ZMAT4: variants seen among roughly 807,000 people sequenced by gnomAD.
ZMAT4 encodes zinc finger matrin-type 4.
A neutral mutation model predicts 28.7 loss-of-function variants in ZMAT4; 17 were observed. The ratio of observed to expected loss-of-function variants is 0.59; its 90% CI spans 0.41 to 0.89. ZMAT4 has a LOEUF of 0.89. ZMAT4 is among the 40% of genes least tolerant of loss of function. ZMAT4 has a pLI of 0.00. For synonymous variants in ZMAT4, 117 were observed against 109.2 expected (o/e 1.07, Z -0.44); for missense variants, 240 against 283.8 (o/e 0.85, Z 1.11).
At chr8:40,714,706 T>C (rs1355598693) in intron 3 of ZMAT4, among the ~76,000 whole-genome samples, 1 of 152,160 alleles carries the variant, frequency 6.6e-6, no homozygotes, top group African/African-American at 2.4e-5. Flanking sequence ...ATTATGTTAG[T>C]TAGTCATGCT....
At chr8:40,793,444 A>G (rs1814449754) in intron 2 of ZMAT4, among the ~76,000 whole-genome samples, 1 of 147,714 alleles carries the variant, frequency 6.8e-6, no homozygotes, top group Non-Finnish European at 1.5e-5. Flanking sequence ...GCCACGCTCC[A>G]TCGATTTTCC....
intron 6 of ZMAT4, among the ~76,000 whole-genome samples, chr8:40,550,688 C>T (rs1039406112): frequency 6.6e-6 from 1 of 152,118 alleles, no homozygotes; most frequent in Non-Finnish European, 1.5e-5. Flanking sequence ...GGGGTCACTC[C>T]ATCCTGCTGC....
At chr8:40,777,872 A>G (rs1454950121) in intron 2 of ZMAT4, among the ~76,000 whole-genome samples, 1 of 152,224 alleles carries the variant, frequency 6.6e-6, no homozygotes, top group Non-Finnish European at 1.5e-5. Context: ...ACATTTTTAT[A>G]TTAGATTATC....
chr8:40,723,140 A>G (rs1373881406), intron 3 of ZMAT4, among the ~76,000 whole-genome samples: 3 of 152,190 alleles, frequency 2.0e-5, no homozygotes, highest in African/African-American at 7.2e-5. Flanking sequence ...AGCATTGCCT[A>G]TGAATACCAA....
intron 5 of ZMAT4, among the ~76,000 whole-genome samples, chr8:40,611,010 G>T (rs916438949): frequency 2.0e-5 from 3 of 150,602 alleles, no homozygotes; most frequent in Admixed American, 2.0e-4. Context: ...AAAAAGACCC[G>T]AGTGGCATCT....
intron 6 of ZMAT4, among the ~76,000 whole-genome samples, chr8:40,552,659 C>T (rs543369084): frequency 1.3e-5 from 2 of 152,116 alleles, no homozygotes; most frequent in Admixed American, 1.3e-4. Flanking sequence ...ACTTGAGACC[C>T]AGGGAGATGA....
chr8:40,704,263 G>A (rs1232174020), intron 3 of ZMAT4, among the ~76,000 whole-genome samples: 1 of 152,158 alleles, frequency 6.6e-6, no homozygotes, highest in Admixed American at 6.5e-5. Flanking sequence ...CACTTTACTG[G>A]GATCAGAAGG....
At chr8:40,775,196 G>A (rs897862421) in intron 2 of ZMAT4, among the ~76,000 whole-genome samples, 2 of 152,186 alleles carry the variant, frequency 1.3e-5, no homozygotes, top group Non-Finnish European at 2.9e-5. Flanking sequence ...AAGAACCCAA[G>A]ACCCTTGAAG....
At chr8:40,683,413 C>T (rs1809262686) in intron 4 of ZMAT4, among the ~76,000 whole-genome samples, 1 of 152,232 alleles carries the variant, frequency 6.6e-6, no homozygotes, top group South Asian at 2.1e-4. Flanking sequence ...CTGTGCAGAG[C>T]TGTCCTGTGA....
chr8:40,871,018 A>G lies in ZMAT4; in HGVS notation c.-5+26665T>C, dbSNP rs191413998. Among the ~76,000 whole-genome samples, 347 of 152,270 alleles carry G rather than the reference A, an allele frequency of 2.3e-3. 4 individuals carry two copies. Among genetic ancestry groups the G allele is most frequent in the Non-Finnish European group, 3.7e-3 (251 of 68,026 alleles). On this transcript the variant is annotated intron_variant, in intron 1 of 6. Transcript: ENST00000297737. ...AGCAAGCCCCATAACCTCTTCAGTGACCTTCAAGGGAAGTTGCTTGACGAA... is the reference window on the plus strand; with the variant it reads ...AGCAAGCCCCATAACCTCTTCAGTGGCCTTCAAGGGAAGTTGCTTGACGAA...
At chr8:40,896,660 G>C (rs1226845973) in intron 1 of ZMAT4, among the ~76,000 whole-genome samples, 7 of 152,208 alleles carry the variant, frequency 4.6e-5, no homozygotes, top group Non-Finnish European at 1.0e-4. Flanking sequence ...CAGAGCAAGA[G>C]AGGCCCCTGA....
At position 40,687,118 on chromosome 8, in the gene ZMAT4, A is replaced by G. The variant is rs562059984; in HGVS notation, c.349+10127T>C. Among the ~76,000 whole-genome samples the G allele has an allele frequency of 3.3e-5, 5 of 152,334 alleles. No individual in the cohort carries two copies. The South Asian group carries it at 8.3e-4, about 25-fold the overall frequency. On this transcript the variant is annotated intron_variant, in intron 4 of 6. Transcript: ENST00000297737. Reference sequence around the variant, plus strand: ...GATGTTTTACAGAATAATAGAAAGTATATATAAGAGGCAGAGAGATGATAT... The same window carrying G: ...GATGTTTTACAGAATAATAGAAAGTGTATATAAGAGGCAGAGAGATGATAT...
chr8:40,573,922 G>A (rs1804179908), intron 6 of ZMAT4, among the ~76,000 whole-genome samples: 1 of 152,194 alleles, frequency 6.6e-6, no homozygotes, highest in Non-Finnish European at 1.5e-5. Context: ...ACAATTCAGT[G>A]CTCTTTACAC....
rs551765584 is a variant in ZMAT4 at position 40,604,896 on chromosome 8, C to T, written c.578-23635G>A. Reference sequence around the variant, plus strand: ...TATTTGTTTATTACCACTTCAGGCTCACTGCTTGTCATTGGTCTGTTCAGA... The same window carrying T: ...TATTTGTTTATTACCACTTCAGGCTTACTGCTTGTCATTGGTCTGTTCAGA... On this transcript the variant is annotated intron_variant, in intron 5 of 6. Coordinates refer to ENST00000297737, the MANE Select transcript of ZMAT4 (RefSeq NM_024645.3). Among the ~76,000 whole-genome samples the T allele has an allele frequency of 1.1e-4, 16 of 152,276 alleles. No individual in the cohort carries two copies. In the South Asian group the frequency reaches 3.1e-3, roughly 30 times the overall value.
intron 6 of ZMAT4, among the ~76,000 whole-genome samples, chr8:40,577,575 G>C (rs2118531071): frequency 6.6e-6 from 1 of 152,228 alleles, no homozygotes; most frequent in Middle Eastern, 3.4e-3. Context: ...ATTCCACCTA[G>C]ATAAAAGAAA....
intron 3 of ZMAT4, among the ~76,000 whole-genome samples, chr8:40,706,263 A>T (rs1328549982): frequency 6.6e-6 from 1 of 152,052 alleles, no homozygotes; most frequent in Non-Finnish European, 1.5e-5. Context: ...ACCGTGTTAG[A>T]CAGGATGGTC....
chr8:40,881,447 GAAAGAAAGAAAGAA>G (rs1818229038), intron 1 of ZMAT4, among the ~76,000 whole-genome samples: 5 of 115,502 alleles, frequency 4.3e-5, no homozygotes, highest in Admixed American at 1.7e-4. Flanking sequence ...AAGAAAGAAA[GAAAGAAAGAAAGAA>G]AGAAAGAAAG....
At chr8:40,622,422 A>G (rs1300701885) in intron 5 of ZMAT4, among the ~76,000 whole-genome samples, 1 of 152,222 alleles carries the variant, frequency 6.6e-6, no homozygotes, top group Admixed American at 6.5e-5. Flanking sequence ...CATAACACAG[A>G]GTTACGGAGA....
intron 4 of ZMAT4, among the ~76,000 whole-genome samples, chr8:40,692,322 T>A (rs1211608904): frequency 6.6e-6 from 1 of 152,214 alleles, no homozygotes; most frequent in Admixed American, 6.5e-5. Flanking sequence ...TCATTACCTG[T>A]CAAACTAATG....
Sources: gnomAD v4.1 joint callset for allele counts (sites outside exome capture counted in the v4.1 genomes callset) on GRCh38, gnomAD v4.1.1 for gene constraint, MANE v1.5 for transcripts, NCBI Gene and HGNC (gene_info 2026-07-23, HGNC 2026-07-21) for gene names.